The following LRBA variants were observed in gnomAD, a reference collection of about 807,000 sequenced individuals.
LRBA encodes the protein LPS responsive beige-like anchor protein.
Under a neutral mutation model 330.0 loss-of-function variants are expected in LRBA, and 176 were observed. That is an observed-to-expected ratio of 0.53 (90% CI 0.47 to 0.60). The LOEUF is 0.60. Ranked by LOEUF, LRBA falls within the 20% of genes least tolerant of loss-of-function variation. LRBA has a pLI of 0.00. For synonymous variants in LRBA, 1,230 were observed against 1,193.0 expected (o/e 1.03, Z -0.64); for missense variants, 3,259 against 3,444.8 (o/e 0.95, Z 1.35).
At chr4:150,304,506 T>C (rs1364959569) in intron 52 of LRBA, among the ~76,000 whole-genome samples, 1 of 151,994 alleles carries the variant, frequency 6.6e-6, no homozygotes, top group African/African-American at 2.4e-5. Flanking sequence ...GTACTTTTTT[T>C]CTCCTGTGAT....
chr4:150,470,770 T>G (rs1214353251), intron 43 of LRBA, among the ~76,000 whole-genome samples: 1 of 151,942 alleles, frequency 6.6e-6, no homozygotes, highest in Non-Finnish European at 1.5e-5. Context: ...GGTTGGTGCC[T>G]TGTGAATTCT....
chr4:150,334,830 G>T (rs1231677456), intron 48 of LRBA, among the ~76,000 whole-genome samples: 2 of 123,312 alleles, frequency 1.6e-5, no homozygotes, highest in Admixed American at 1.7e-4. Flanking sequence ...GTTTTGTCTT[G>T]GTTTTTTTTT....
In LRBA at chr4:150,649,636, A is replaced by G. The variant is rs140409179; in HGVS notation, c.5921+33915T>C. 8.1e-3 allele frequency among the ~76,000 whole-genome samples: 1,229 copies of G among 152,204 alleles called. 9 individuals are homozygous for G. The highest frequency in any genetic ancestry group is 0.028 in the African/African-American group (1,159 of 41,524). ...TGTCACCTTTAAACCTGCATTATAC[A>G]TTTCATATAAACATCCTGCCTCTCC... On this transcript the variant is annotated intron_variant, in intron 37 of 56. Transcript: ENST00000651943.
At chr4:150,908,884 T>C (rs1579169605) in intron 9 of LRBA, 27 bp from the exon 10 acceptor site, 1 of 1,477,502 alleles carries the variant, frequency 6.8e-7, no homozygotes, top group Non-Finnish European at 9.4e-7. Flanking sequence ...AACAGTTAAA[T>C]AGTATGCCAC....
At chr4:150,964,982 A>G (rs895851754) in intron 2 of LRBA, among the ~76,000 whole-genome samples, 1 of 152,230 alleles carries the variant, frequency 6.6e-6, no homozygotes, top group Non-Finnish European at 1.5e-5. Context: ...CAAAAACCAC[A>G]GCTGCTAATA....
chr4:151,014,106 T>C (rs1745156746), intron 2 of LRBA: 2 of 215,240 alleles, frequency 9.3e-6, no homozygotes, highest in African/African-American at 2.3e-5. Context: ...AACGCAGACT[T>C]AGGCATACAA....
At chr4:150,944,144 A>G (rs1337908375) in intron 2 of LRBA, among the ~76,000 whole-genome samples, 1 of 151,962 alleles carries the variant, frequency 6.6e-6, no homozygotes, top group Admixed American at 6.6e-5. Flanking sequence ...TAGCCAACCT[A>G]CTCCCAAATT....
intron 40 of LRBA, among the ~76,000 whole-genome samples, chr4:150,503,669 T>G (rs1451191657): frequency 6.6e-6 from 1 of 151,942 alleles, no homozygotes; most frequent in Non-Finnish European, 1.5e-5. Context: ...CTGGAAACTC[T>G]AAAAAATCAG....
At chr4:150,320,087 G>A (rs555605827) in intron 50 of LRBA, among the ~76,000 whole-genome samples, 13 of 152,104 alleles carry the variant, frequency 8.5e-5, no homozygotes, top group Admixed American at 4.6e-4. Context: ...ACTGGCCAAA[G>A]AGAACAGTGC....
In LRBA at chr4:150,537,141, C is replaced by T. The variant is rs1764742739; in HGVS notation, c.6331-46106G>A. ...CTGGTACAAAAACAGACACATAGACCAATGGAACAGAATAGACAATTCAGA... is the reference window on the plus strand; with the variant it reads ...CTGGTACAAAAACAGACACATAGACTAATGGAACAGAATAGACAATTCAGA... On this transcript the variant is annotated intron_variant, in intron 40 of 56. Coordinates refer to ENST00000651943, the MANE Select transcript of LRBA (RefSeq NM_001364905.1). Among the ~76,000 whole-genome samples, 4 of 152,178 alleles carry T rather than the reference C, an allele frequency of 2.6e-5. 1 individual carries two copies. In the South Asian group the frequency reaches 8.3e-4, roughly 32 times the overall value.
chr4:150,943,310 AG>A (rs1244874087), intron 2 of LRBA, among the ~76,000 whole-genome samples: 1 of 152,312 alleles, frequency 6.6e-6, no homozygotes, highest in South Asian at 2.1e-4. Flanking sequence ...ATTTAGAGAT[AG>A]GGTCTCACTA....
chr4:150,851,950 C>T lies in LRBA; in HGVS notation c.3760G>A (p.Glu1254Lys). 4 of 1,614,136 alleles carry T rather than the reference C, an allele frequency of 2.5e-6. No individual in the cohort carries two copies. In the South Asian group the frequency reaches 3.3e-5, roughly 13 times the overall value. ...LDVSNVATDTERLELKASPNV... is the reference protein window; with the variant it reads ...LDVSNVATDTKRLELKASPNV... ...GGACTGGCCTTCAACTCCAGCCTCT[C>T]AGTATCTGTAGCAACATTGGAAACA... The change falls in exon 23 of 57, where the codon GAG (glutamate) becomes AAG (lysine). Residue 1254 changes from glutamate (E) to lysine (K), a missense_variant. By Grantham distance (56) the Glu-to-Lys change is moderately conservative. Coordinates refer to ENST00000651943, the MANE Select transcript of LRBA (RefSeq NM_001364905.1).
At chr4:150,927,354 CA>C (rs1429710291) in intron 4 of LRBA, among the ~76,000 whole-genome samples, 1 of 136,652 alleles carries the variant, frequency 7.3e-6, no homozygotes, top group East Asian at 2.1e-4. Context: ...GGCTGGGCAA[CA>C]GAGCGAGACT....
intron 2 of LRBA, among the ~76,000 whole-genome samples, chr4:150,943,086 G>A (rs1409835318): frequency 1.3e-5 from 2 of 152,078 alleles, no homozygotes; most frequent in Non-Finnish European, 2.9e-5. Context: ...CAGAATAATG[G>A]TATGTCTACA....
chr4:150,555,680 G>A (rs1200056425), intron 40 of LRBA, among the ~76,000 whole-genome samples: 1 of 151,804 alleles, frequency 6.6e-6, no homozygotes, highest in Non-Finnish European at 1.5e-5. Flanking sequence ...GAACCCAGCA[G>A]GCAGAGCTTG....
Position 150,771,599 on chromosome 4 carries a change from C to T in LRBA, c.5581-9752G>A, listed in dbSNP as rs148969510. On this transcript the variant is annotated intron_variant, in intron 34 of 56. Coordinates refer to ENST00000651943, the MANE Select transcript of LRBA (RefSeq NM_001364905.1). ...ACTCTGATAAGAACAAAATGCTGCC[C>T]CTTCTATGATGGAAGGGGTCAAATG... 7.7e-3 allele frequency among the ~76,000 whole-genome samples: 1,177 copies of T among 152,162 alleles called. 12 individuals carry two copies. The highest frequency in any genetic ancestry group is 0.027 in the African/African-American group (1,122 of 41,492).
chr4:150,596,229 T>C (rs2126493032), intron 38 of LRBA, among the ~76,000 whole-genome samples: 1 of 151,964 alleles, frequency 6.6e-6, no homozygotes, highest in East Asian at 1.9e-4. Context: ...AACTAGAAGG[T>C]AGCCAGAAGT....
At chr4:150,432,450 G>GTTT (rs1235370407) in intron 46 of LRBA, among the ~76,000 whole-genome samples, 23 of 70,826 alleles carry the variant, frequency 3.2e-4, no homozygotes, top group African/African-American at 4.0e-4. Flanking sequence ...ATTTAAGTGT[G>GTTT]TTCTTTTTTT....
intron 40 of LRBA, among the ~76,000 whole-genome samples, chr4:150,567,990 C>T (rs929092971): frequency 8.6e-5 from 13 of 151,988 alleles, no homozygotes; most frequent in East Asian, 1.9e-4. Flanking sequence ...TTAAGATCAA[C>T]GGTAACTGAA....
Sources: allele counts gnomAD v4.1 joint callset (sites outside exome capture counted in the v4.1 genomes callset), GRCh38; gene constraint gnomAD v4.1.1; transcripts MANE v1.5; gene names NCBI Gene and HGNC (gene_info 2026-07-23, HGNC 2026-07-21).